The following CSGALNACT1 variants were observed in gnomAD, a reference collection of about 807,000 sequenced individuals.
The protein encoded by CSGALNACT1 is chondroitin sulfate N-acetylgalactosaminyltransferase 1, also known as beta4GalNAcT-1.
A neutral mutation model predicts 51.0 loss-of-function variants in CSGALNACT1; 52 were observed. That is an observed-to-expected ratio of 1.02 (90% confidence interval 0.82 to 1.29). The LOEUF (loss-of-function observed/expected upper bound fraction) is 1.29. Ranked by LOEUF, CSGALNACT1 falls within the 50% of genes most tolerant of loss-of-function variation. The pLI is 0.00. For missense variants in CSGALNACT1, 935 were observed against 679.2 expected (o/e 1.38, Z -4.19); for synonymous variants, 341 against 254.4 (o/e 1.34, Z -3.24).
intron 1 of CSGALNACT1, among the ~76,000 whole-genome samples, chr8:19,655,559 TACAC>T (rs72307845): frequency 2.8e-5 from 4 of 140,860 alleles, no homozygotes; most frequent in African/African-American, 1.0e-4. Context: ...CACATATATA[TACAC>T]ACACACACAC....
intron 1 of CSGALNACT1, among the ~76,000 whole-genome samples, chr8:19,616,608 G>C (rs1454333033): frequency 6.6e-6 from 1 of 152,160 alleles, no homozygotes; most frequent in Non-Finnish European, 1.5e-5. Context: ...TGCTATGAAT[G>C]ATTTAGGACC....
At chr8:19,621,862 T>C (rs756172120) in intron 1 of CSGALNACT1, among the ~76,000 whole-genome samples, 1 of 152,228 alleles carries the variant, frequency 6.6e-6, no homozygotes, top group Non-Finnish European at 1.5e-5. Flanking sequence ...AGTCAGATAA[T>C]TGTTTCTGAT....
intron 1 of CSGALNACT1, among the ~76,000 whole-genome samples, chr8:19,645,565 G>A (rs1007792746): frequency 6.6e-6 from 1 of 152,202 alleles, no homozygotes; most frequent in Non-Finnish European, 1.5e-5. Context: ...AAGGAACCTC[G>A]AAGGGTGGGC....
intron 1 of CSGALNACT1, among the ~76,000 whole-genome samples, chr8:19,655,822 G>C (rs2058222711): frequency 1.3e-5 from 2 of 152,172 alleles, no homozygotes; most frequent in East Asian, 1.9e-4. Flanking sequence ...ATGGAACATA[G>C]AAATATGAAT....
At chr8:19,452,303 T>C (rs1371366728) in intron 5 of CSGALNACT1, among the ~76,000 whole-genome samples, 1 of 152,036 alleles carries the variant, frequency 6.6e-6, no homozygotes, top group African/African-American at 2.4e-5. Context: ...CCTAGGACCT[T>C]GGCACCAGCA....
In CSGALNACT1 at chr8:19,564,113, G is replaced by A. The variant is rs186845206; in HGVS notation, c.-297+27047C>T. Among the ~76,000 whole-genome samples the A allele has an allele frequency of 9.6e-4, 146 of 152,232 alleles. 3 individuals carry two copies. In the South Asian group the frequency reaches 0.029, roughly 30 times the overall value. On this transcript the variant is annotated intron_variant, in intron 3 of 9. Transcript: ENST00000454498. Reference sequence around the variant, plus strand: ...ACTGCTTTAAAACTTCAGTTAAAACGCTTCTTTCACTGAACTTAACGCACA... The same window carrying A: ...ACTGCTTTAAAACTTCAGTTAAAACACTTCTTTCACTGAACTTAACGCACA...
At chr8:19,679,121 TC>T (rs1340430669) in intron 1 of CSGALNACT1, among the ~76,000 whole-genome samples, 2 of 152,194 alleles carry the variant, frequency 1.3e-5, no homozygotes, top group Non-Finnish European at 2.9e-5. Context: ...CAGGAACTCT[TC>T]TTAAAGGTAA....
chr8:19,649,593 T>G (rs1026450155), intron 1 of CSGALNACT1, among the ~76,000 whole-genome samples: 11 of 152,008 alleles, frequency 7.2e-5, no homozygotes, highest in African/African-American at 2.2e-4. Context: ...AAAGACAACT[T>G]AATTCTATAC....
At chr8:19,524,381 G>C (rs1273671262) in intron 3 of CSGALNACT1, among the ~76,000 whole-genome samples, 1 of 152,022 alleles carries the variant, frequency 6.6e-6, no homozygotes, top group East Asian at 1.9e-4. Context: ...TTAATAAAAA[G>C]ACGAAAAAAT....
At chr8:19,637,848 T>TG (rs1337063098) in intron 1 of CSGALNACT1, among the ~76,000 whole-genome samples, 1 of 151,820 alleles carries the variant, frequency 6.6e-6, no homozygotes, top group African/African-American at 2.4e-5. Context: ...AGTTTTTTTT[T>TG]TTTTTTTTAA....
chr8:19,668,287 C>T (rs138213166), intron 1 of CSGALNACT1, among the ~76,000 whole-genome samples: 3 of 152,132 alleles, frequency 2.0e-5, no homozygotes, highest in African/African-American at 7.2e-5. Flanking sequence ...AGACACCCCT[C>T]AGCTTCCTTA....
chr8:19,691,537 C>T (rs2061322105), intron 1 of CSGALNACT1, among the ~76,000 whole-genome samples: 1 of 152,204 alleles, frequency 6.6e-6, no homozygotes, highest in Admixed American at 6.5e-5. Flanking sequence ...TGGTTAACAG[C>T]CTGGCCCACT....
chr8:19,581,122 G>T (rs999762946), intron 3 of CSGALNACT1, among the ~76,000 whole-genome samples: 3 of 152,170 alleles, frequency 2.0e-5, no homozygotes, highest in Non-Finnish European at 4.4e-5. Context: ...ACTGATGAAA[G>T]GTATCAAGCC....
upstream of CSGALNACT1, among the ~76,000 whole-genome samples, chr8:19,685,477 C>A (rs1422002686): frequency 6.6e-6 from 1 of 152,228 alleles, no homozygotes; most frequent in South Asian, 2.1e-4. Context: ...CAGAGGAAGA[C>A]CCTGCCCCAA....
At chr8:19,425,599 G>A (rs767152886) in intron 6 of CSGALNACT1, among the ~76,000 whole-genome samples, 3 of 152,152 alleles carry the variant, frequency 2.0e-5, no homozygotes, top group African/African-American at 7.2e-5. Flanking sequence ...CTACCTCACT[G>A]CCTGCTCTCC....
At chr8:19,732,587 G>A (rs11204065) in intron 1 of CSGALNACT1, 25,163 of 152,110 alleles carry the variant, frequency 0.17, 2,285 homozygotes, top group Middle Eastern at 0.26. Context: ...GTAGTGGCTC[G>A]ATGAGTATGT....
chr8:19,407,287 C>T lies in CSGALNACT1; in HGVS notation c.1310-1218G>A, dbSNP rs137882523. Among the ~76,000 whole-genome samples the T allele has an allele frequency of 2.6e-3, 399 of 152,190 alleles. 3 individuals carry two copies. Among genetic ancestry groups the T allele is most frequent in the African/African-American group, 9.2e-3 (383 of 41,534 alleles). On this transcript the variant is annotated intron_variant, in intron 9 of 9. Coordinates refer to ENST00000454498, the Ensembl canonical transcript of CSGALNACT1. ...ACAAAACAATCGTGGGTCTACCCCT[C>T]GTCCCTGATTTTAAAGTGAGTAGCT...
chr8:19,613,671 G>C (rs1020971481), intron 1 of CSGALNACT1, among the ~76,000 whole-genome samples: 8 of 152,174 alleles, frequency 5.3e-5, no homozygotes, highest in Non-Finnish European at 1.2e-4. Context: ...CTGAAAAGTA[G>C]GGTTAACACG....
chr8:19,435,211 T>C (rs2153735885), intron 6 of CSGALNACT1, among the ~76,000 whole-genome samples: 1 of 152,286 alleles, frequency 6.6e-6, no homozygotes, highest in African/African-American at 2.4e-5. Flanking sequence ...AAATAACTTT[T>C]TGGCCAGGCG....
Sources: gnomAD v4.1 joint callset for allele counts (sites outside exome capture counted in the v4.1 genomes callset) on GRCh38, gnomAD v4.1.1 for gene constraint, MANE v1.5 for transcripts, NCBI Gene and HGNC (gene_info 2026-07-23, HGNC 2026-07-21) for gene names.